Variants in PLCH2 observed in about 807,000 individuals in gnomAD.
PLCH2 encodes the protein phospholipase C eta 2, also known as 1-phosphatidylinositol 4,5-bisphosphate phosphodiesterase eta-2.
In PLCH2, 98 loss-of-function variants were observed where a neutral mutation model predicts 134.7. The observed-to-expected ratio is 0.73, with a 90% CI of 0.62 to 0.86. The LOEUF (loss-of-function observed/expected upper bound fraction) is 0.86, where lower values mean the gene tolerates loss of function less well. Ranked by LOEUF, PLCH2 falls within the 40% of genes least tolerant of loss-of-function variation. PLCH2 has a pLI of 0.00. For synonymous variants in PLCH2, 974 were observed against 827.5 expected (o/e 1.18, Z -3.04); for missense variants, 1,994 against 1,986.6 (o/e 1.00, Z -0.07).
At chr1:2,495,720 A>C (rs1241773093) in intron 13 of PLCH2, 150 bp downstream of exon 13, 1 of 607,444 alleles carries the variant, frequency 1.6e-6, no homozygotes, top group Non-Finnish European at 2.9e-6. Context: ...AGTGGTAGGG[A>C]GTGTGGTGTG....
chr1:2,440,637 A>C (rs3001354), intron 2 of PLCH2, among the ~76,000 whole-genome samples: 3,273 of 13,802 alleles, frequency 0.24, 765 homozygotes, highest in East Asian at 0.46. Context: ...CCGGCCCGCC[A>C]GGGGATCTTG....
intron 2 of PLCH2, among the ~76,000 whole-genome samples, chr1:2,441,812 G>A (rs1570265839): frequency 6.6e-6 from 1 of 152,136 alleles, no homozygotes; most frequent in African/African-American, 2.4e-5. Flanking sequence ...GGGAGGAGCG[G>A]CTCTCTTTGC....
chr1:2,484,912 G>A (rs1470150979), intron 5 of PLCH2, among the ~76,000 whole-genome samples: 2 of 152,096 alleles, frequency 1.3e-5, no homozygotes, highest in African/African-American at 4.8e-5. Flanking sequence ...TCCTCCAGGG[G>A]CCCCTGAATG....
chr1:2,476,012 A>G (rs1183954492), upstream of PLCH2, among the ~76,000 whole-genome samples: 1 of 152,198 alleles, frequency 6.6e-6, no homozygotes, highest in Non-Finnish European at 1.5e-5. Context: ...TGGTGGGCGC[A>G]CAGCGGGGAG....
chr1:2,475,422 C>T (rs1271392837), upstream of PLCH2, among the ~76,000 whole-genome samples: 1 of 152,210 alleles, frequency 6.6e-6, no homozygotes, highest in Non-Finnish European at 1.5e-5. Context: ...GGTGTTCAGC[C>T]GGGGTCTGCC....
intron 20 of PLCH2, chr1:2,501,228 T>G (rs955222511): frequency 1.3e-5 from 2 of 151,934 alleles, no homozygotes; most frequent in African/African-American, 4.8e-5. Context: ...GGCCGCTCTG[T>G]GCACGAGCAC....
At position 2,433,122 on chromosome 1, in the gene PLCH2, C is replaced by T. The variant is rs548123651; in HGVS notation, c.115+2493C>T. 1.0e-3 allele frequency among the ~76,000 whole-genome samples: 153 copies of T among 152,324 alleles called. 2 individuals are homozygous for T. The highest frequency in any genetic ancestry group is 3.5e-3 in the African/African-American group (146 of 41,568). On this transcript the variant is annotated intron_variant, in intron 2 of 3. Coordinates refer to the PLCH2 transcript ENST00000609981. Reference sequence around the variant, plus strand: ...AGAGGTGGGAGCCTTCTTCAGGCTGCCCCCTAATACTGAGCCAGCAAAGGT... The same window carrying T: ...AGAGGTGGGAGCCTTCTTCAGGCTGTCCCCTAATACTGAGCCAGCAAAGGT...
intron 1 of PLCH2, among the ~76,000 whole-genome samples, chr1:2,429,426 G>T (rs1244182861): frequency 6.6e-6 from 1 of 152,096 alleles, no homozygotes; most frequent in South Asian, 2.1e-4. Context: ...CCAAGGAAAA[G>T]GTGGCCAGAA....
At chr1:2,485,725 C>T (rs763060419) in intron 5 of PLCH2, among the ~76,000 whole-genome samples, 4 of 152,194 alleles carry the variant, frequency 2.6e-5, no homozygotes, top group Non-Finnish European at 1.5e-5. Context: ...GCCACCTGCG[C>T]TGCGTCAGCC....
At chr1:2,425,110 C>A (rs76434064), upstream of PLCH2, among the ~76,000 whole-genome samples, 1 of 143,024 alleles carries the variant, frequency 7.0e-6, no homozygotes, top group Non-Finnish European at 1.5e-5. Context: ...CTGCAGTGAG[C>A]GGAGATCGCG....
chr1:2,421,646 A>G (rs10910071), upstream of PLCH2, among the ~76,000 whole-genome samples: 51,808 of 151,874 alleles, frequency 0.34, 9,063 homozygotes, highest in East Asian at 0.52. Flanking sequence ...CCACCTTCAT[A>G]AAAAAATATG....
chr1:2,416,530 G>A, the PLCH2 span, among the ~76,000 whole-genome samples: 1 of 152,126 alleles, frequency 6.6e-6, no homozygotes, highest in Non-Finnish European at 1.5e-5. Context: ...GGACCTGGAG[G>A]TACCTGCAGA....
At chr1:2,452,907 G>A (rs1190544914) in intron 2 of PLCH2, among the ~76,000 whole-genome samples, 1 of 152,218 alleles carries the variant, frequency 6.6e-6, no homozygotes, top group African/African-American at 2.4e-5. Context: ...TGGAGGAAGG[G>A]TGCCTGTTGG....
At position 2,480,311 on chromosome 1, in the gene PLCH2, G is replaced by A; in HGVS notation, c.644G>A (p.Arg215Lys). Residue 215 changes from arginine (R) to lysine (K), a missense_variant and splice_region_variant, in exon 4 of 22, where the codon AGG becomes AAG. By Grantham distance (26) the Arg-to-Lys change is conservative. This residue lies in a region of PLCH2 where 1,094 missense variants were observed against 1,234.3 expected (regional missense o/e 0.89). Coordinates refer to ENST00000378486, the MANE Select transcript of PLCH2 (RefSeq NM_014638.4). ...CGGCAGAGGGTGAAGCAGATGTTCA[G>A]GGTGAGCTGGGGGGAGCCCTACCTG... ...LPRQRVKQMF[R>K]EADTDDHQGT... 6.2e-7 allele frequency: 1 copy of A among 1,611,502 alleles called. No homozygotes were observed. Among genetic ancestry groups the A allele is most frequent in the Non-Finnish European group, 8.5e-7 (1 of 1,179,032 alleles).
At chr1:2,443,389 C>G (rs1411121871) in intron 2 of PLCH2, among the ~76,000 whole-genome samples, 1 of 152,162 alleles carries the variant, frequency 6.6e-6, no homozygotes. Context: ...TCGCCGGGGC[C>G]CCTGTCTTGG....
At chr1:2,425,948 C>T (rs1037101813), upstream of PLCH2, 3 of 152,244 alleles carry the variant, frequency 2.0e-5, no homozygotes, top group African/African-American at 7.2e-5. Context: ...AGCTGGAGTC[C>T]CCGTCGCTCG....
chr1:2,461,781 T>C (rs1322968760), intron 2 of PLCH2, among the ~76,000 whole-genome samples: 2 of 152,152 alleles, frequency 1.3e-5, no homozygotes, highest in Non-Finnish European at 2.9e-5. Context: ...CCCCCAGGCT[T>C]GGGGGAACCA....
At position 2,439,820 on chromosome 1, in the gene PLCH2, G is replaced by A. The variant is rs1235985069; in HGVS notation, c.115+9191G>A. On this transcript the variant is annotated intron_variant, in intron 2 of 3. Coordinates refer to the PLCH2 transcript ENST00000609981. The surrounding 1 kb of genome is among the most constrained non-coding windows in gnomAD (Gnocchi z 4.7). ...GGAAAGGCATTGCCTGAGAGACACC[G>A]CAGCCAGGCCTGGCTGGAGTGTTCG... Among the ~76,000 whole-genome samples, 2 of 152,136 alleles carry A rather than the reference G, an allele frequency of 1.3e-5. No individual in the cohort carries two copies. The highest frequency in any genetic ancestry group is 2.4e-5 in the African/African-American group (1 of 41,440).
intron 2 of PLCH2, among the ~76,000 whole-genome samples, chr1:2,450,142 G>A (rs1450354502): frequency 2.6e-5 from 4 of 152,234 alleles, no homozygotes; most frequent in Admixed American, 2.0e-4. Flanking sequence ...CTGGGCAGAG[G>A]TGGCTTCATC....
Sources: allele counts gnomAD v4.1 joint callset (sites outside exome capture counted in the v4.1 genomes callset), GRCh38; gene constraint gnomAD v4.1.1; regional missense constraint gnomAD v4.1.1; non-coding constraint Gnocchi (gnomAD v3.1); transcripts MANE v1.5; gene names NCBI Gene and HGNC (gene_info 2026-07-23, HGNC 2026-07-21).